VPS54: variants seen among roughly 807,000 people sequenced by gnomAD.
VPS54 encodes vacuolar protein sorting-associated protein 54.
VPS54 carries 45 observed loss-of-function variants against 121.5 expected under a neutral mutation model. The observed-to-expected ratio is 0.37, with a 90% CI of 0.29 to 0.47. The LOEUF (loss-of-function observed/expected upper bound fraction) is 0.47. VPS54 is among the 20% of genes least tolerant of loss of function. The pLI is 0.99. For missense variants in VPS54, 1,090 were observed against 1,131.4 expected (o/e 0.96, Z 0.52); for synonymous variants, 371 against 385.8 (o/e 0.96, Z 0.45).
In VPS54 at chr2:63,893,491, G is replaced by A. The variant is rs765953102; in HGVS notation, c.2873C>T (p.Ala958Val). 2 of 1,613,858 alleles carry A rather than the reference G, an allele frequency of 1.2e-6. No homozygotes were observed. Among genetic ancestry groups the A allele is most frequent in the East Asian group, 4.5e-5 (2 of 44,874 alleles). Residue 958 changes from alanine (A) to valine (V), a missense_variant, in exon 23 of 23, where the codon GCC (alanine) becomes GTC (valine). Ala to Val is a moderately conservative substitution (Grantham distance 64, BLOSUM62 0). Coordinates refer to ENST00000272322, the MANE Select transcript of VPS54 (RefSeq NM_016516.3). ...GTCCAAATCTTTAAGGCCTTTTAAG[G>A]CTTGAAGATTTCCAGTGTAAAAAGC... ...DVAFYTGNLQALKGLKDLDLN... is the reference protein window; with the variant it reads ...DVAFYTGNLQVLKGLKDLDLN...
chr2:63,997,611 T>TTTTTG (rs59064791), intron 1 of VPS54, among the ~76,000 whole-genome samples: 23 of 151,910 alleles, frequency 1.5e-4, no homozygotes, highest in African/African-American at 5.3e-4. Flanking sequence ...GATGTGTCAG[T>TTTTTG]TTTTGTTTTG....
At position 63,920,492 on chromosome 2, in the gene VPS54, T is replaced by C. The variant is rs747755188; in HGVS notation, c.2005A>G (p.Ile669Val). The change falls in exon 14 of 23, where the codon ATT becomes GTT. Residue 669 changes from isoleucine to valine, a missense_variant. By Grantham distance (29) the Ile-to-Val change is conservative. Coordinates refer to ENST00000272322, the MANE Select transcript of VPS54 (RefSeq NM_016516.3). The stretch of plus-strand genomic sequence containing the variant: ...TCATGAAACCTATTTACAAACTTAA[T>C]AGCTTGGCTCTGAAGTGCTCCAAGT... ...SLLGALQSQA[I>V]KFVNRFHEER... 35 of 1,571,398 alleles carry C rather than the reference T, an allele frequency of 2.2e-5. No individual in the cohort carries two copies. The South Asian group carries it at 3.6e-4, about 16-fold the overall frequency.
chr2:64,005,278 T>C (rs1484549530), intron 1 of VPS54, among the ~76,000 whole-genome samples: 1 of 150,674 alleles, frequency 6.6e-6, no homozygotes, highest in African/African-American at 2.4e-5. Flanking sequence ...TAATTTTTTG[T>C]ATTTTTAGTA....
At chr2:64,015,666 T>A (rs1244992184) in intron 1 of VPS54, among the ~76,000 whole-genome samples, 6 of 152,216 alleles carry the variant, frequency 3.9e-5, no homozygotes, top group Non-Finnish European at 5.9e-5. Context: ...AAAACCGTCC[T>A]CGCAGAGCCA....
At chr2:63,951,525 G>C (rs1429402954) in intron 7 of VPS54, among the ~76,000 whole-genome samples, 1 of 152,062 alleles carries the variant, frequency 6.6e-6, no homozygotes, top group Non-Finnish European at 1.5e-5. Flanking sequence ...AGCAACAGGA[G>C]GTGGTTATGA....
chr2:64,014,300 A>G (rs1678580296), intron 1 of VPS54, among the ~76,000 whole-genome samples: 1 of 152,218 alleles, frequency 6.6e-6, no homozygotes, highest in Non-Finnish European at 1.5e-5. Context: ...TCTTAAAAAC[A>G]CTAAAACTTT....
chr2:64,000,365 ACT>A (rs1312991303), intron 1 of VPS54, among the ~76,000 whole-genome samples: 5 of 152,014 alleles, frequency 3.3e-5, no homozygotes, highest in Non-Finnish European at 5.9e-5. Flanking sequence ...AGGTCACATA[ACT>A]CTGTTTCTCC....
At chr2:63,961,587 G>T (rs1311382971) in intron 7 of VPS54, among the ~76,000 whole-genome samples, 1 of 152,122 alleles carries the variant, frequency 6.6e-6, no homozygotes, top group Non-Finnish European at 1.5e-5. Flanking sequence ...ATAATAACAG[G>T]AGAAATTGGG....
chr2:63,913,024 G>C (rs1166231829), intron 18 of VPS54, among the ~76,000 whole-genome samples, 199 bp downstream of exon 18: 1 of 152,102 alleles, frequency 6.6e-6, no homozygotes, highest in African/African-American at 2.4e-5. Context: ...TATACTTGGA[G>C]GGGAAATGCA....
chr2:63,982,396 CTCATTA>C (rs1209807234), intron 2 of VPS54, among the ~76,000 whole-genome samples: 1 of 152,046 alleles, frequency 6.6e-6, no homozygotes, highest in Non-Finnish European at 1.5e-5. Flanking sequence ...TTACTCTATT[CTCATTA>C]TTAGTAGTGT....
chr2:63,993,720 A>G (rs1463462893), intron 1 of VPS54, among the ~76,000 whole-genome samples: 2 of 152,210 alleles, frequency 1.3e-5, no homozygotes, highest in Non-Finnish European at 2.9e-5. Context: ...GACATTCATT[A>G]TCCAAAAAAC....
rs1676606574 is a variant in VPS54, at chr2:63,977,668, TTGA to T, written c.378+3975_378+3977del. Among the ~76,000 whole-genome samples the T allele has an allele frequency of 2.6e-5, 4 of 152,362 alleles. No individual in the cohort carries two copies. The South Asian group carries it at 8.3e-4, about 32-fold the overall frequency. ...AACATAGTTACTTTGAGTTCCCAGT[TTGA>T]TCATTCCAACATCACAACCGCATCT... On this transcript the variant is annotated intron_variant, in intron 3 of 22. Transcript: ENST00000272322.
chr2:63,976,364 A>C (rs1192871625), intron 3 of VPS54, among the ~76,000 whole-genome samples: 34 of 150,348 alleles, frequency 2.3e-4, no homozygotes, highest in African/African-American at 6.3e-4. Context: ...AAAAAAAAAA[A>C]CAAAAAACAA....
intron 12 of VPS54, among the ~76,000 whole-genome samples, chr2:63,924,620 G>T (rs1673809270): frequency 6.6e-6 from 1 of 152,112 alleles, no homozygotes; most frequent in Admixed American, 6.5e-5. Context: ...GGAGTGACCA[G>T]CCTGGGCAAC....
At chr2:63,905,216 G>A (rs1672852162) in intron 20 of VPS54, among the ~76,000 whole-genome samples, 1 of 151,996 alleles carries the variant, frequency 6.6e-6, no homozygotes, top group Non-Finnish European at 1.5e-5. Context: ...ACTGGAGCAG[G>A]AAAATAAAAA....
intron 4 of VPS54, among the ~76,000 whole-genome samples, chr2:63,969,779 A>G (rs983273709): frequency 6.6e-5 from 10 of 152,204 alleles, no homozygotes; most frequent in African/African-American, 2.4e-4. Flanking sequence ...CTGCTGTGCT[A>G]TCTTTTCAAG....
intron 7 of VPS54, among the ~76,000 whole-genome samples, chr2:63,952,061 T>C (rs1675276611): frequency 1.3e-5 from 2 of 152,210 alleles, no homozygotes; most frequent in South Asian, 4.1e-4. Flanking sequence ...TAGGCCCTGT[T>C]CTGGGTGCAA....
Position 63,919,863 on chromosome 2 carries a change from G to T in VPS54, c.2164+20C>A. 6.5e-7 allele frequency: 1 copy of T among 1,532,168 alleles called. No individual in the cohort carries two copies. The highest frequency in any genetic ancestry group is 8.9e-7 in the Non-Finnish European group (1 of 1,117,924). The allele number at this position is 1,532,168 out of a possible 1,614,324, so 94.9% of individuals were successfully genotyped here. On this transcript the variant is annotated intron_variant, in intron 15 of 22. Transcript: ENST00000272322. The stretch of plus-strand genomic sequence containing the variant: ...AAACAATATAAAATTGAAAGAGAAT[G>T]TGTGAATGAATACACATACCTCCTG...
chr2:63,981,757 G>A lies in VPS54; in HGVS notation c.267C>T (p.Phe89=). The A allele has an allele frequency of 6.2e-7, 1 of 1,613,788 alleles. No individual in the cohort carries two copies. Among genetic ancestry groups the A allele is most frequent in the African/African-American group, 1.3e-5 (1 of 75,034 alleles). The change falls in exon 3 of 23, where the codon TTC becomes TTT. Residue 89 remains phenylalanine, a synonymous_variant. Coordinates refer to ENST00000272322, the MANE Select transcript of VPS54 (RefSeq NM_016516.3). ...AGTCCAATCCCCATGTTTTTGTGAAGAAGTCAGATTCTCTTTTTGCTAATC... is the reference window on the plus strand; with the variant it reads ...AGTCCAATCCCCATGTTTTTGTGAAAAAGTCAGATTCTCTTTTTGCTAATC... ...DPRLAKRESD[F]FTKTWGLDFV...
Sources: gnomAD v4.1 joint callset for allele counts (sites outside exome capture counted in the v4.1 genomes callset) on GRCh38, gnomAD v4.1.1 for gene constraint, MANE v1.5 for transcripts, NCBI Gene and HGNC (gene_info 2026-07-23, HGNC 2026-07-21) for gene names.